SGCZ: variants seen among roughly 807,000 people sequenced by gnomAD.
SGCZ encodes sarcoglycan zeta.
In SGCZ, 40 loss-of-function variants were observed where a neutral mutation model predicts 41.3. That is an observed-to-expected ratio of 0.97 (90% CI 0.75 to 1.26). The LOEUF is 1.26. Ranked by LOEUF, SGCZ falls within the 50% of genes most tolerant of loss-of-function variation. The probability of loss-of-function intolerance (pLI) is 0.00; values close to 1 mark genes in which losing one functional copy is unlikely to be tolerated. For missense variants in SGCZ, 552 were observed against 369.8 expected (o/e 1.49, Z -4.04); for synonymous variants, 206 against 137.5 (o/e 1.50, Z -3.49).
chr8:14,935,016 CA>C (rs35275361), intron 1 of SGCZ, among the ~76,000 whole-genome samples: 27,909 of 98,078 alleles, frequency 0.28, 3,055 homozygotes, highest in East Asian at 0.43. Context: ...AGACAAAATG[CA>C]AAAAAAAAAA....
intron 1 of SGCZ, among the ~76,000 whole-genome samples, chr8:15,185,536 G>C (rs574620155): frequency 1.3e-5 from 2 of 151,978 alleles, no homozygotes; most frequent in East Asian, 3.9e-4. Context: ...TCTATTTATT[G>C]CCTCGATATC....
intron 1 of SGCZ, among the ~76,000 whole-genome samples, chr8:14,859,249 A>G (rs1585324508): frequency 6.6e-6 from 1 of 152,266 alleles, no homozygotes; most frequent in East Asian, 1.9e-4. Context: ...TCACTGCTTT[A>G]TCAAGGATAT....
chr8:15,155,673 A>T (rs896786298), intron 1 of SGCZ, among the ~76,000 whole-genome samples: 1 of 152,226 alleles, frequency 6.6e-6, no homozygotes, highest in Non-Finnish European at 1.5e-5. Context: ...TATTAAATAT[A>T]TTTATGATAC....
chr8:14,453,649 C>T (rs1563339611), intron 2 of SGCZ, among the ~76,000 whole-genome samples: 1 of 152,210 alleles, frequency 6.6e-6, no homozygotes, highest in African/African-American at 2.4e-5. Context: ...ACCTGCTTTA[C>T]ATTCTTAGTC....
intron 1 of SGCZ, among the ~76,000 whole-genome samples, chr8:14,916,290 A>G (rs548124515): frequency 8.7e-4 from 133 of 152,342 alleles, no homozygotes; most frequent in African/African-American, 2.4e-3. Context: ...CATGCTGTGA[A>G]GATTATATAC....
intron 1 of SGCZ, among the ~76,000 whole-genome samples, chr8:14,727,887 T>G (rs1810110175): frequency 6.6e-6 from 1 of 152,168 alleles, no homozygotes; most frequent in African/African-American, 2.4e-5. Context: ...TTATTTGTGT[T>G]ATACACATAA....
intron 1 of SGCZ, among the ~76,000 whole-genome samples, chr8:15,024,425 G>C (rs1193653978): frequency 1.3e-5 from 2 of 151,996 alleles, no homozygotes; most frequent in Non-Finnish European, 2.9e-5. Context: ...TTACTTTTTA[G>C]CTCCTTGAAA....
chr8:14,311,438 G>T (rs187932552), intron 3 of SGCZ, among the ~76,000 whole-genome samples: 1 of 152,206 alleles, frequency 6.6e-6, no homozygotes, highest in East Asian at 1.9e-4. Flanking sequence ...TATGGGTGCT[G>T]AGTCAGTTAC....
intron 1 of SGCZ, among the ~76,000 whole-genome samples, chr8:14,782,034 C>G (rs1306076535): frequency 6.6e-6 from 1 of 152,096 alleles, no homozygotes; most frequent in Non-Finnish European, 1.5e-5. Flanking sequence ...TGACTAGTTG[C>G]TGAGAAATTT....
At chr8:14,141,048 C>G (rs1260005500) in intron 5 of SGCZ, among the ~76,000 whole-genome samples, 1 of 152,112 alleles carries the variant, frequency 6.6e-6, no homozygotes, top group African/African-American at 2.4e-5. Flanking sequence ...CTTTGACAAA[C>G]TTGACAAAAA....
chr8:14,862,749 C>T (rs914212832), intron 1 of SGCZ, among the ~76,000 whole-genome samples: 4 of 151,662 alleles, frequency 2.6e-5, no homozygotes, highest in Non-Finnish European at 4.4e-5. Context: ...AGGCCTTTCT[C>T]ACATCTTTGT....
Position 14,088,570 on chromosome 8 carries a change from A to G in SGCZ, c.*1873T>C, listed in dbSNP as rs1801596530. On this transcript the variant is annotated 3_prime_UTR_variant, in exon 8 of 8. Coordinates refer to ENST00000382080, the MANE Select transcript of SGCZ (RefSeq NM_139167.4). ...ATTCTCTTATTTTAATATAAATTAAACTCTTGTGTTATAACTTTGTAAGCA... is the reference window on the plus strand; with the variant it reads ...ATTCTCTTATTTTAATATAAATTAAGCTCTTGTGTTATAACTTTGTAAGCA... Among the ~76,000 whole-genome samples the G allele has an allele frequency of 6.6e-6, 1 of 151,720 alleles. No individual in the cohort carries two copies. The highest frequency in any genetic ancestry group is 6.6e-5 in the Admixed American group (1 of 15,188).
intron 1 of SGCZ, among the ~76,000 whole-genome samples, chr8:15,018,249 A>G (rs1362018019): frequency 6.6e-6 from 1 of 152,216 alleles, no homozygotes; most frequent in African/African-American, 2.4e-5. Flanking sequence ...TAGGACAGAC[A>G]CTGTTCTAAG....
intron 4 of SGCZ, among the ~76,000 whole-genome samples, chr8:14,220,680 G>T (rs780146053): frequency 6.6e-6 from 1 of 152,024 alleles, no homozygotes; most frequent in African/African-American, 2.4e-5. Flanking sequence ...CCAGCTACTC[G>T]GGAGGCTGAG....
chr8:14,994,062 G>C (rs1016152023), intron 1 of SGCZ, among the ~76,000 whole-genome samples: 1 of 152,114 alleles, frequency 6.6e-6, no homozygotes, highest in African/African-American at 2.4e-5. Context: ...AATGAGAAGT[G>C]ATTGGGTTCT....
chr8:14,179,809 G>T (rs948763475), intron 4 of SGCZ, among the ~76,000 whole-genome samples: 3 of 152,062 alleles, frequency 2.0e-5, no homozygotes, highest in Non-Finnish European at 4.4e-5. Context: ...TACTTACTGG[G>T]CTGCTAGAAG....
chr8:14,640,989 T>C (rs1807005523), intron 1 of SGCZ, among the ~76,000 whole-genome samples: 1 of 151,706 alleles, frequency 6.6e-6, no homozygotes, highest in South Asian at 2.1e-4. Context: ...AATCTTCCTC[T>C]ATCAATTCAG....
chr8:14,566,559 T>C (rs1457371559), intron 1 of SGCZ, among the ~76,000 whole-genome samples: 3 of 152,218 alleles, frequency 2.0e-5, no homozygotes, highest in Non-Finnish European at 2.9e-5. Flanking sequence ...ATATCATGAG[T>C]ACAATTTGCC....
intron 3 of SGCZ, among the ~76,000 whole-genome samples, chr8:14,247,116 T>G (rs547291226): frequency 6.6e-6 from 1 of 152,152 alleles, no homozygotes; most frequent in South Asian, 2.1e-4. Flanking sequence ...AGAGAGATAT[T>G]ATCTATGTAT....
Sources: allele counts gnomAD v4.1 joint callset (sites outside exome capture counted in the v4.1 genomes callset), GRCh38; gene constraint gnomAD v4.1.1; transcripts MANE v1.5; gene names NCBI Gene and HGNC (gene_info 2026-07-23, HGNC 2026-07-21).